The following CSNK1E variants were observed in gnomAD, a reference collection of about 807,000 sequenced individuals.
CSNK1E encodes casein kinase 1 epsilon, also known as casein kinase I isoform epsilon.
A neutral mutation model predicts 46.1 loss-of-function variants in CSNK1E; 17 were observed. The observed-to-expected ratio is 0.37, with a 90% CI of 0.25 to 0.55. The LOEUF (loss-of-function observed/expected upper bound fraction) is 0.55, where lower values mean the gene tolerates loss of function less well. Ranked by LOEUF, CSNK1E falls within the 20% of genes least tolerant of loss-of-function variation. The pLI, the probability that CSNK1E is intolerant of heterozygous loss-of-function variation, is 0.82. For synonymous variants in CSNK1E, 241 were observed against 242.6 expected (o/e 0.99, Z 0.06); for missense variants, 386 against 595.4 (o/e 0.65, Z 3.66).
intron 6 of CSNK1E, among the ~76,000 whole-genome samples, 153 bp from the exon 7 acceptor site, chr22:38,299,087 A>G (rs183797966): frequency 6.6e-6 from 1 of 152,258 alleles, no homozygotes; most frequent in Admixed American, 6.5e-5. Context: ...GGCCTTCCCT[A>G]TCCTACTGTG....
Position 38,294,089 on chromosome 22 carries a change from C to G in CSNK1E, c.1218+20G>C. 6.2e-7 allele frequency: 1 copy of G among 1,605,806 alleles called. No homozygotes were observed. ...AACTCAGTTCTGAGGCCCAGAGGGA[C>G]TGGCAGGGGGGCAGCTCACCTGTGA... On this transcript the variant is annotated intron_variant, in intron 9 of 10. Transcript: ENST00000396832. This position sits in a 1 kb window ranked among gnomAD's most constrained non-coding sequence, Gnocchi z 5.5.
intron 10 of CSNK1E, chr22:38,292,319 A>G (rs938565907): frequency 2.0e-5 from 3 of 151,918 alleles, no homozygotes; most frequent in African/African-American, 7.3e-5. Context: ...CCCTTGGTCT[A>G]TCTCCCTCTG....
At position 38,294,368 on chromosome 22, in the gene CSNK1E, G is replaced by T; in HGVS notation, c.1052C>A (p.Thr351Lys). ...AGCCGGCTGGATGCGGGAGGCTGGC[G>T]TGGAAGCCACGGGCTCGGCGGCACT... ...LRSAAEPVASTPASRIQPAGN... is the reference protein window; with the variant it reads ...LRSAAEPVASKPASRIQPAGN... The change falls in exon 8 of 11, where the codon ACG becomes AAG. Residue 351 changes from threonine (T) to lysine (K), a missense_variant. By Grantham distance (78) the Thr-to-Lys change is moderately conservative. Transcript: ENST00000396832. This position sits in a 1 kb window ranked among gnomAD's most constrained non-coding sequence, Gnocchi z 5.5. 6.4e-7 allele frequency: 1 copy of T among 1,565,038 alleles called. No homozygotes were observed. Among genetic ancestry groups the T allele is most frequent in the South Asian group, 1.2e-5 (1 of 86,242 alleles).
rs529318315 is a variant in CSNK1E at position 38,302,137 on chromosome 22, G to A, written c.336+724C>T. Among the ~76,000 whole-genome samples the A allele has an allele frequency of 4.6e-5, 7 of 152,258 alleles. No individual in the cohort carries two copies. In the South Asian group the frequency reaches 6.2e-4, roughly 14 times the overall value. On this transcript the variant is annotated intron_variant, in intron 4 of 10. Transcript: ENST00000396832. ...AGGCCACTGAGGCTCAGAGAGGTTC[G>A]GCGTTCACCTACGGTCACTGGTCTG...
chr22:38,316,132 A>G (rs1372975177), intron 1 of CSNK1E, among the ~76,000 whole-genome samples: 1 of 151,426 alleles, frequency 6.6e-6, no homozygotes, highest in African/African-American at 2.4e-5. Flanking sequence ...AAGTGGGGGG[A>G]AAAGTGGATA....
chr22:38,299,080 C>T, intron 6 of CSNK1E, 146 bp from the exon 7 acceptor site: 2 of 845,420 alleles, frequency 2.4e-6, no homozygotes, highest in South Asian at 1.7e-5. Context: ...GAGCCATGGC[C>T]TTCCCTATCC....
intron 2 of CSNK1E, among the ~76,000 whole-genome samples, chr22:38,305,098 G>T (rs1175341866): frequency 2.7e-5 from 4 of 146,958 alleles, no homozygotes; most frequent in African/African-American, 1.0e-4. Context: ...CGCTAGCCTG[G>T]GTGACGGAGT....
At chr22:38,306,960 C>T (rs2092701268) in intron 2 of CSNK1E, among the ~76,000 whole-genome samples, 2 of 151,988 alleles carry the variant, frequency 1.3e-5, no homozygotes, top group African/African-American at 4.8e-5. Context: ...TACTTGAGTC[C>T]AGCGGTTCGA....
chr22:38,314,461 G>A (rs1569084497), intron 1 of CSNK1E, among the ~76,000 whole-genome samples: 1 of 152,128 alleles, frequency 6.6e-6, no homozygotes, highest in Non-Finnish European at 1.5e-5. Context: ...ATCACAACGG[G>A]CATCAGCCCT....
rs750147249 is a variant in CSNK1E, at chr22:38,296,552, G to A, written c.886-2018C>T. 6 of 1,611,980 alleles carry A rather than the reference G, an allele frequency of 3.7e-6. No individual in the cohort carries two copies. In the South Asian group the frequency reaches 6.6e-5, roughly 18 times the overall value. On this transcript the variant is annotated intron_variant, in intron 7 of 10. Transcript: ENST00000396832. Reference sequence around the variant, plus strand: ...TGGTTCAGCTCACTACAGTGGCCGTGGCATTGAGTCAGAGATTGGCAAAGG... The same window carrying A: ...TGGTTCAGCTCACTACAGTGGCCGTAGCATTGAGTCAGAGATTGGCAAAGG...
intron 2 of CSNK1E, among the ~76,000 whole-genome samples, chr22:38,306,466 C>T (rs963928739): frequency 2.0e-5 from 3 of 152,246 alleles, no homozygotes; most frequent in Admixed American, 2.0e-4. Flanking sequence ...GGCGCGGTGG[C>T]TCACGCCTGT....
At chr22:38,308,687 G>A (rs2092708781) in intron 2 of CSNK1E, among the ~76,000 whole-genome samples, 1 of 152,092 alleles carries the variant, frequency 6.6e-6, no homozygotes. Flanking sequence ...AGATGAGCCG[G>A]TGTCCACCCA....
chr22:38,310,970 G>A (rs941555336), intron 2 of CSNK1E, among the ~76,000 whole-genome samples: 1 of 152,216 alleles, frequency 6.6e-6, no homozygotes, highest in Non-Finnish European at 1.5e-5. Flanking sequence ...CAAGACAGGG[G>A]CCCAGGAGGG....
rs543118904 is a variant in CSNK1E at position 38,298,272 on chromosome 22, C to T, written c.885+514G>A. 114 of 1,204,350 alleles carry T rather than the reference C, an allele frequency of 9.5e-5. No individual in the cohort carries two copies. The South Asian group carries it at 1.4e-3, about 15-fold the overall frequency. The allele number at this position is 1,204,350 out of a possible 1,614,324, so 74.6% of individuals were successfully genotyped here. A position where few individuals can be genotyped will look rare whatever the true frequency, so the allele number is the denominator to read the frequency against. ...TTCCAGAGCTCTGGGTACGGCCGGCCAATGCTGCTCCCCACCCAACCCCAC... is the reference window on the plus strand; with the variant it reads ...TTCCAGAGCTCTGGGTACGGCCGGCTAATGCTGCTCCCCACCCAACCCCAC... On this transcript the variant is annotated intron_variant, in intron 7 of 10. Transcript: ENST00000396832. The surrounding 1 kb of genome is among the most constrained non-coding windows in gnomAD (Gnocchi z 4.2).
intron 2 of CSNK1E, among the ~76,000 whole-genome samples, chr22:38,313,409 C>T (rs1339935779): frequency 6.6e-6 from 1 of 152,260 alleles, no homozygotes; most frequent in African/African-American, 2.4e-5. Flanking sequence ...AGGGCCAAGA[C>T]TCATGACCGT....
chr22:38,305,579 A>G (rs2092695179), intron 2 of CSNK1E, among the ~76,000 whole-genome samples: 1 of 152,192 alleles, frequency 6.6e-6, no homozygotes, highest in Non-Finnish European at 1.5e-5. Flanking sequence ...AGCTCCTACA[A>G]ATCAGTCAGA....
At chr22:38,296,425 G>A (rs1396851049) in intron 7 of CSNK1E, 1 of 1,444,910 alleles carries the variant, frequency 6.9e-7, no homozygotes, top group Admixed American at 2.7e-5. Context: ...AACAACACAG[G>A]GTGTCCTGTC....
chr22:38,297,879 C>A (rs938377237), intron 7 of CSNK1E: 3 of 1,050,066 alleles, frequency 2.9e-6, no homozygotes, highest in South Asian at 2.7e-5. Context: ...GCACACCTGG[C>A]GACATCAGAA....
chr22:38,302,484 C>T (rs2092677885), intron 4 of CSNK1E, among the ~76,000 whole-genome samples: 1 of 152,218 alleles, frequency 6.6e-6, no homozygotes, highest in Non-Finnish European at 1.5e-5. Flanking sequence ...GTGGCTCACG[C>T]CTGTAATCCC....
Sources: gnomAD v4.1 joint callset for allele counts (sites outside exome capture counted in the v4.1 genomes callset) on GRCh38, gnomAD v4.1.1 for gene constraint, Gnocchi (gnomAD v3.1) non-coding constraint, MANE v1.5 for transcripts, NCBI Gene and HGNC (gene_info 2026-07-23, HGNC 2026-07-21) for gene names.